Variants in ACVR1B observed in about 807,000 individuals in gnomAD.
The protein encoded by ACVR1B is activin A receptor type 1B, also known as activin receptor type-1B.
Under a neutral mutation model 55.6 loss-of-function variants are expected in ACVR1B, and 15 were observed. That is an observed-to-expected ratio of 0.27 (90% confidence interval 0.18 to 0.42). ACVR1B has a LOEUF of 0.42. Among genes scored for constraint, ACVR1B ranks in the 10% least tolerant of loss-of-function variants. The probability of loss-of-function intolerance (pLI) is 1.00; values close to 1 mark genes in which losing one functional copy is unlikely to be tolerated. For missense variants in ACVR1B, 359 were observed against 670.1 expected (o/e 0.54, Z 5.13); for synonymous variants, 247 against 254.6 (o/e 0.97, Z 0.28).
intron 8 of ACVR1B, among the ~76,000 whole-genome samples, chr12:51,992,847 G>A (rs373189152): frequency 1.5e-4 from 23 of 152,312 alleles, no homozygotes; most frequent in African/African-American, 5.1e-4. Context: ...GGAAAGAGTT[G>A]ACATGAGGAC....
intron 1 of ACVR1B, 61 bp downstream of exon 1, chr12:51,951,895 C>G (rs950369465): frequency 5.6e-5 from 60 of 1,074,270 alleles, no homozygotes; most frequent in Non-Finnish European, 6.5e-5. Flanking sequence ...GGCGAGGCCT[C>G]GAGCCGCGGC....
rs151094759 is a variant in ACVR1B at position 51,976,366 on chromosome 12, C to G, written c.371C>G (p.Pro124Arg). Residue 124 changes from proline to arginine, a missense_variant, in exon 3 of 9, where the codon CCG becomes CGG. Physicochemically the swap from Pro to Arg is moderately radical, Grantham distance 103. Transcript: ENST00000257963. ...CCTGAGCACCCGTCCATGTGGGGCC[C>G]GGTGGAGCTGGTAGGCATCATCGCC... ...KEPEHPSMWG[P>R]VELVGIIAGP... The G allele has an allele frequency of 2.5e-6, 4 of 1,614,018 alleles. No individual in the cohort carries two copies. The highest frequency in any genetic ancestry group is 2.5e-6 in the Non-Finnish European group (3 of 1,180,030).
chr12:51,960,802 A>C (rs1192850594), intron 1 of ACVR1B, among the ~76,000 whole-genome samples: 1 of 152,184 alleles, frequency 6.6e-6, no homozygotes, highest in African/African-American at 2.4e-5. Flanking sequence ...TCCTACGGCT[A>C]GATCTAACTT....
chr12:51,994,138 TG>T lies in ACVR1B; in HGVS notation c.*30del. 1 of 1,610,122 alleles carries T rather than the reference TG, an allele frequency of 6.2e-7. No individual in the cohort carries two copies. Among genetic ancestry groups the T allele is most frequent in the Non-Finnish European group, 8.5e-7 (1 of 1,179,534 alleles). On this transcript the variant is annotated 3_prime_UTR_variant, in exon 9 of 9. Transcript: ENST00000257963. This position sits in a 1 kb window ranked among gnomAD's most constrained non-coding sequence, Gnocchi z 4.2. The stretch of plus-strand genomic sequence containing the variant: ...GCTCCCTCTCTCCACACGGAGCTCC[TG>T]GCAGCGAGAACTACGCACAGCTGCC...
At chr12:51,970,411 C>G (rs536972158) in intron 1 of ACVR1B, among the ~76,000 whole-genome samples, 16 of 152,296 alleles carry the variant, frequency 1.1e-4, no homozygotes, top group Non-Finnish European at 2.2e-4. Flanking sequence ...CCTGCCTCAG[C>G]TCGTGAGTTC....
chr12:51,977,017 G>C (rs551307790), intron 3 of ACVR1B, among the ~76,000 whole-genome samples: 1 of 152,244 alleles, frequency 6.6e-6, no homozygotes, highest in African/African-American at 2.4e-5. Context: ...CTTAGAGTTG[G>C]GATTTGGTGA....
At chr12:51,953,387 C>T (rs1941348133) in intron 1 of ACVR1B, 1 of 985,466 alleles carries the variant, frequency 1.0e-6, no homozygotes, top group Non-Finnish European at 1.2e-6. Context: ...GCTAATGCTT[C>T]TCCTAAGCAC....
intron 3 of ACVR1B, among the ~76,000 whole-genome samples, chr12:51,978,649 G>C (rs1468081795): frequency 6.6e-6 from 1 of 151,064 alleles, no homozygotes; most frequent in Non-Finnish European, 1.5e-5. Flanking sequence ...GGCTAACATG[G>C]TGAAACCCTG....
chr12:51,974,481 G>A (rs1941805816), intron 1 of ACVR1B, among the ~76,000 whole-genome samples: 1 of 151,808 alleles, frequency 6.6e-6, no homozygotes, highest in Non-Finnish European at 1.5e-5. Context: ...AGAGGTGATT[G>A]TGTACACTGC....
chr12:51,989,186 A>C (rs1942139330), intron 7 of ACVR1B, among the ~76,000 whole-genome samples: 2 of 152,106 alleles, frequency 1.3e-5, no homozygotes, highest in Non-Finnish European at 2.9e-5. Context: ...CTCTACTTAA[A>C]AGAAAAAAAA....
chr12:51,987,261 A>G, intron 7 of ACVR1B: 1 of 618,624 alleles, frequency 1.6e-6, no homozygotes, highest in Non-Finnish European at 2.9e-6. Flanking sequence ...GGATTCATGC[A>G]GTGGTCTCCT....
intron 1 of ACVR1B, among the ~76,000 whole-genome samples, chr12:51,973,862 C>T (rs1490881744): frequency 2.6e-5 from 4 of 152,150 alleles, no homozygotes; most frequent in Non-Finnish European, 4.4e-5. Flanking sequence ...TTGGTTTCCT[C>T]GGGTGGGACT....
In ACVR1B at chr12:51,994,965, C is replaced by T. The variant is rs953837920; in HGVS notation, c.*855C>T. 1.3e-5 allele frequency: 2 copies of T among 152,736 alleles called. No individual in the cohort carries two copies. The highest frequency in any genetic ancestry group is 2.9e-5 in the Non-Finnish European group (2 of 68,152). The allele number at this position is 152,736 out of a possible 1,614,324, so 9.5% of individuals were successfully genotyped here. A position where few individuals can be genotyped will look rare whatever the true frequency, so the allele number is the denominator to read the frequency against. On this transcript the variant is annotated 3_prime_UTR_variant, in exon 9 of 9. Coordinates refer to ENST00000257963, the MANE Select transcript of ACVR1B (RefSeq NM_004302.5). This position sits in a 1 kb window ranked among gnomAD's most constrained non-coding sequence, Gnocchi z 4.2. ...TGCCCACCCCAGCATCAGCACAGCT[C>T]TCCTCCTCCATCTCAGACTGTGGAA...
intron 1 of ACVR1B, among the ~76,000 whole-genome samples, chr12:51,957,416 C>T (rs1941434629): frequency 6.8e-6 from 1 of 148,082 alleles, no homozygotes; most frequent in Non-Finnish European, 1.5e-5. Context: ...TGCACTCCAG[C>T]CTAGGCAACG....
At chr12:51,968,277 A>G (rs975460243) in intron 1 of ACVR1B, among the ~76,000 whole-genome samples, 5 of 152,250 alleles carry the variant, frequency 3.3e-5, no homozygotes, top group East Asian at 1.9e-4. Flanking sequence ...GAAGCGTGCT[A>G]TGGAAACATA....
chr12:51,954,992 C>T (rs912339130), intron 1 of ACVR1B, among the ~76,000 whole-genome samples: 15 of 152,184 alleles, frequency 9.9e-5, no homozygotes, highest in Admixed American at 5.9e-4. Context: ...AAGTTAATTT[C>T]TGTCTCTGGC....
intron 8 of ACVR1B, among the ~76,000 whole-genome samples, chr12:51,992,574 C>G (rs980799937): frequency 1.3e-5 from 2 of 152,174 alleles, no homozygotes; most frequent in Non-Finnish European, 2.9e-5. Flanking sequence ...CAACTGAACC[C>G]AGAGCTGTTA....
chr12:51,993,765 T>TTAAA (rs1942240422), intron 8 of ACVR1B, among the ~76,000 whole-genome samples: 1 of 29,742 alleles, frequency 3.4e-5, no homozygotes, highest in Admixed American at 6.3e-4. Flanking sequence ...AGACTCCTTC[T>TTAAA]AAAAAAAAAA....
intron 7 of ACVR1B, chr12:51,987,241 G>T (rs373405128): frequency 5.8e-5 from 37 of 635,982 alleles, no homozygotes; most frequent in Non-Finnish European, 3.1e-5. Context: ...GCCCCGGTGC[G>T]CATAGCACGG....
Sources: gnomAD v4.1 joint callset for allele counts (sites outside exome capture counted in the v4.1 genomes callset) on GRCh38, gnomAD v4.1.1 for gene constraint, Gnocchi (gnomAD v3.1) non-coding constraint, MANE v1.5 for transcripts, NCBI Gene and HGNC (gene_info 2026-07-23, HGNC 2026-07-21) for gene names.